IL6R: variants seen among roughly 807,000 people sequenced by gnomAD.
IL6R encodes the protein interleukin 6 receptor.
IL6R carries 38 observed loss-of-function variants against 48.3 expected under a neutral mutation model. The observed-to-expected ratio is 0.79, with a 90% CI of 0.61 to 1.03. The LOEUF (loss-of-function observed/expected upper bound fraction) is 1.03. IL6R is among the 50% of genes least tolerant of loss of function. The pLI is 0.00. For synonymous variants in IL6R, 264 were observed against 256.2 expected, an observed-to-expected ratio of 1.03 and a Z score of -0.29; for missense variants, 534 against 618.3, an observed-to-expected ratio of 0.86 and a Z score of 1.45.
chr1:154,424,769 T>G (rs12060250), intron 1 of IL6R, among the ~76,000 whole-genome samples: 3,453 of 152,286 alleles, frequency 0.023, 131 homozygotes, highest in African/African-American at 0.079. Flanking sequence ...TTCAACGCAC[T>G]GGACCGTGTG....
intron 6 of IL6R, among the ~76,000 whole-genome samples, chr1:154,442,115 G>A (rs1037954584): frequency 5.9e-5 from 9 of 152,152 alleles, no homozygotes; most frequent in Non-Finnish European, 1.2e-4. Context: ...ATCTGGAGGA[G>A]GAAGTAGAGT....
intron 1 of IL6R, among the ~76,000 whole-genome samples, chr1:154,423,221 T>G (rs1688779420): frequency 6.8e-6 from 1 of 147,238 alleles, no homozygotes; most frequent in Non-Finnish European, 1.5e-5. Flanking sequence ...CTAGAAATCC[T>G]AACTCACACA....
At chr1:154,426,469 C>T (rs914109797) in intron 1 of IL6R, among the ~76,000 whole-genome samples, 16 of 149,420 alleles carry the variant, frequency 1.1e-4, no homozygotes, top group African/African-American at 2.7e-4. Context: ...TGCAGTGAGC[C>T]GAGATCGCGC....
chr1:154,406,837 A>G (rs1570908218), intron 1 of IL6R, among the ~76,000 whole-genome samples: 3 of 152,190 alleles, frequency 2.0e-5, no homozygotes, highest in African/African-American at 4.8e-5. Context: ...TCCATTTTCA[A>G]TACACATTTA....
intron 8 of IL6R, among the ~76,000 whole-genome samples, chr1:154,452,971 G>A (rs1391534268): frequency 1.3e-5 from 2 of 152,124 alleles, no homozygotes; most frequent in Admixed American, 6.6e-5. Context: ...TTGGGAGGCC[G>A]AGGTGGGCGG....
chr1:154,430,813 A>G (rs1468028632), intron 3 of IL6R, among the ~76,000 whole-genome samples: 2 of 152,090 alleles, frequency 1.3e-5, no homozygotes, highest in East Asian at 1.9e-4. Context: ...ACCTTGTCCT[A>G]TTCACTTGAC....
intron 4 of IL6R, 109 bp from the exon 5 acceptor site, chr1:154,434,881 G>A: frequency 7.9e-7 from 1 of 1,258,652 alleles, no homozygotes; most frequent in African/African-American, 1.5e-5. Context: ...GCTGTGCATG[G>A]GGAGTGAACG....
At chr1:154,416,648 G>C (rs1473241745) in intron 1 of IL6R, among the ~76,000 whole-genome samples, 2 of 152,032 alleles carry the variant, frequency 1.3e-5, no homozygotes, top group African/African-American at 2.4e-5. Flanking sequence ...GAGTGAGCTG[G>C]ACCAGTGTGT....
chr1:154,406,979 C>T (rs1309986662), intron 1 of IL6R, among the ~76,000 whole-genome samples: 2 of 152,146 alleles, frequency 1.3e-5, no homozygotes, highest in East Asian at 3.8e-4. Flanking sequence ...GGCGGGATGG[C>T]AGGTTGTCAG....
At chr1:154,430,996 C>T (rs1176499517) in intron 3 of IL6R, among the ~76,000 whole-genome samples, 1 of 152,172 alleles carries the variant, frequency 6.6e-6, no homozygotes, top group Non-Finnish European at 1.5e-5. Context: ...AGATTATGGG[C>T]GTTGCTCTGA....
chr1:154,433,218 G>T (rs1689407512), intron 3 of IL6R, among the ~76,000 whole-genome samples: 1 of 152,240 alleles, frequency 6.6e-6, no homozygotes, highest in Admixed American at 6.5e-5. Context: ...GCTGGATTCA[G>T]CAGGAGCCCA....
At chr1:154,443,899 CT>C (rs1300313498) in intron 6 of IL6R, among the ~76,000 whole-genome samples, 1 of 152,216 alleles carries the variant, frequency 6.6e-6, no homozygotes, top group Admixed American at 6.5e-5. Flanking sequence ...TATCACACCC[CT>C]CACAGATCTC....
rs1290935645 is a variant in IL6R, at chr1:154,449,043, G to A, written c.997-868G>A. Among the ~76,000 whole-genome samples, 3 of 147,290 alleles carry A rather than the reference G, an allele frequency of 2.0e-5. 1 individual carries two copies. Among genetic ancestry groups the A allele is most frequent in the African/African-American group, 7.5e-5 (3 of 40,144 alleles). On this transcript the variant is annotated intron_variant, in intron 7 of 9. Coordinates refer to ENST00000368485, the MANE Select transcript of IL6R (RefSeq NM_000565.4). The stretch of plus-strand genomic sequence containing the variant: ...CGAGTAGCTGGGACTACAGGCGCCC[G>A]CGACCGCGCCTGGCTAATTTTTTTT...
chr1:154,448,151 G>A lies in IL6R; in HGVS notation c.976G>A (p.Glu326Lys), dbSNP rs777927714. The change falls in exon 7 of 10, where the codon GAG becomes AAG. Residue 326 changes from glutamate to lysine, a missense_variant. By Grantham distance (56) the Glu-to-Lys change is moderately conservative. Transcript: ENST00000368485. ...TESRSPPAEN[E>K]VSTPMQALTT... is the part of the protein sequence containing the mutation. ...ATCCAGGAGTCCTCCAGCTGAGAAC[G>A]AGGTGTCCACCCCCATGCAGGTGAG... The A allele has an allele frequency of 4.3e-6, 7 of 1,613,854 alleles. No homozygotes were observed. The highest frequency in any genetic ancestry group is 2.2e-5 in the East Asian group (1 of 44,882).
At chr1:154,448,508 A>G (rs1224592585) in intron 7 of IL6R, among the ~76,000 whole-genome samples, 1 of 152,232 alleles carries the variant, frequency 6.6e-6, no homozygotes, top group Non-Finnish European at 1.5e-5. Flanking sequence ...ACTCTTGGTG[A>G]CATAATTTGC....
chr1:154,407,646 C>G (rs1228218435), intron 1 of IL6R, among the ~76,000 whole-genome samples: 2 of 152,170 alleles, frequency 1.3e-5, no homozygotes, highest in Non-Finnish European at 2.9e-5. Flanking sequence ...AAGTGAGGAG[C>G]AGAGGGGGAG....
At chr1:154,449,599 C>T (rs532540391) in intron 7 of IL6R, among the ~76,000 whole-genome samples, 55 of 152,314 alleles carry the variant, frequency 3.6e-4, no homozygotes, top group South Asian at 1.7e-3. Context: ...CATGGTAGTA[C>T]CTGCATCCTT....
chr1:154,449,867 G>A, intron 7 of IL6R, 44 bp from the exon 8 acceptor site: 1 of 1,271,564 alleles, frequency 7.9e-7, no homozygotes, highest in Non-Finnish European at 1.2e-6. Context: ...GAATGATGGT[G>A]CAATCTGCAG....
chr1:154,459,732 A>G (rs961550271), intron 9 of IL6R, among the ~76,000 whole-genome samples: 2 of 151,876 alleles, frequency 1.3e-5, no homozygotes, highest in African/African-American at 4.8e-5. Context: ...AATTCCTCCC[A>G]CCCTATTCTC....
Sources: allele counts gnomAD v4.1 joint callset (sites outside exome capture counted in the v4.1 genomes callset), GRCh38; gene constraint gnomAD v4.1.1; transcripts MANE v1.5; gene names NCBI Gene and HGNC (gene_info 2026-07-23, HGNC 2026-07-21).